The following AP1G1 variants were observed in gnomAD, a reference collection of about 807,000 sequenced individuals.
The protein encoded by AP1G1 is AP-1 complex subunit gamma-1.
In AP1G1, 7 loss-of-function variants were observed where a neutral mutation model predicts 108.3. The observed-to-expected ratio is 0.06, with a 90% confidence interval of 0.04 to 0.12. AP1G1 has a LOEUF of 0.12. AP1G1 is among the 10% of genes least tolerant of loss of function. The pLI is 1.00. For missense variants in AP1G1, 756 were observed against 1,010.7 expected (o/e 0.75, Z 3.42); for synonymous variants, 379 against 353.5 (o/e 1.07, Z -0.81).
rs2030195653 is a variant in AP1G1 at position 71,746,596 on chromosome 16, G to C, written c.1722C>G (p.Asp574Glu). The C allele has an allele frequency of 6.2e-7, 1 of 1,603,516 alleles. No individual in the cohort carries two copies. The highest frequency in any genetic ancestry group is 8.5e-7 in the Non-Finnish European group (1 of 1,172,610). ...TAGTTTCTTTCGCTCACCTCATGTG[G>C]TCATATTTCTTGAAAAGTGCATTAT... Reference protein sequence around the residue: ...VEYNALFKKYDHMRSALLERM... With the variant: ...VEYNALFKKYEHMRSALLERM... Residue 574 changes from aspartate to glutamate, a missense_variant, in exon 17 of 23, where the codon GAC (aspartate) becomes GAG (glutamate). This residue lies in a region of AP1G1 where 357 missense variants were observed against 366.5 expected (regional missense o/e 0.97). Transcript: ENST00000299980.
At chr16:71,768,206 A>G (rs1225195638) in intron 6 of AP1G1, among the ~76,000 whole-genome samples, 5 of 150,832 alleles carry the variant, frequency 3.3e-5, no homozygotes, top group Admixed American at 3.3e-4. Context: ...AAAAAAAAAA[A>G]AAAAAAAAAG....
intron 6 of AP1G1, among the ~76,000 whole-genome samples, chr16:71,766,618 C>A (rs1227940931): frequency 6.6e-6 from 1 of 151,646 alleles, no homozygotes; most frequent in African/African-American, 2.4e-5. Context: ...GCAATTTTAG[C>A]TACAACTCTG....
chr16:71,781,356 T>A (rs908658615), intron 2 of AP1G1, among the ~76,000 whole-genome samples: 3 of 152,198 alleles, frequency 2.0e-5, no homozygotes, highest in African/African-American at 4.8e-5. Context: ...AATATTCCAC[T>A]CAAAATACAT....
chr16:71,758,914 C>T lies in AP1G1; in HGVS notation c.982G>A (p.Ala328Thr). Residue 328 changes from alanine (A) to threonine (T), a missense_variant, in exon 11 of 23, where the codon GCT becomes ACT. By Grantham distance (58) the Ala-to-Thr change is moderately conservative. Transcript: ENST00000299980. ...ACAGTCTTCAACAAAGATGTCAGAG[C>T]CACATATCTGGATGAAACAGTTGCA... ...LNNDKNIRYVALTSLLKTVQT... is the reference protein window; with the variant it reads ...LNNDKNIRYVTLTSLLKTVQT... 6.3e-7 allele frequency: 1 copy of T among 1,581,730 alleles called. No homozygotes were observed. Among genetic ancestry groups the T allele is most frequent in the Non-Finnish European group, 8.6e-7 (1 of 1,163,724 alleles).
intron 12 of AP1G1, 70 bp downstream of exon 12, chr16:71,755,949 C>T (rs1312061888): frequency 2.0e-6 from 3 of 1,534,584 alleles, no homozygotes; most frequent in African/African-American, 2.8e-5. Flanking sequence ...CAGCCCCCTC[C>T]CCATGTTTTA....
intron 19 of AP1G1, among the ~76,000 whole-genome samples, chr16:71,741,285 A>C (rs901633533): frequency 3.9e-5 from 6 of 152,300 alleles, no homozygotes; most frequent in African/African-American, 1.4e-4. Context: ...AAAGAATACT[A>C]GAAAAGTAAA....
intron 1 of AP1G1, chr16:71,806,632 A>G (rs2033006484): frequency 8.6e-7 from 1 of 1,158,816 alleles, no homozygotes; most frequent in South Asian, 1.3e-5. Context: ...CCTTACTTGA[A>G]AAGTCTAAGT....
chr16:71,769,049 G>A (rs569999608), intron 6 of AP1G1, among the ~76,000 whole-genome samples: 1 of 146,248 alleles, frequency 6.8e-6, no homozygotes, highest in South Asian at 2.2e-4. Context: ...TTGGGAGGCT[G>A]AGGCGGGCTG....
At chr16:71,808,325 C>A (rs1008374983) in intron 1 of AP1G1, 20 of 753,220 alleles carry the variant, frequency 2.7e-5, no homozygotes, top group Non-Finnish European at 3.2e-5. Flanking sequence ...ATTAACTGGG[C>A]ATTTGGATAT....
In AP1G1 at chr16:71,756,029, C is replaced by G. The variant is rs1263155471; in HGVS notation, c.1219G>C (p.Ala407Pro). The G allele has an allele frequency of 1.2e-6, 2 of 1,608,158 alleles. No individual in the cohort carries two copies. Among genetic ancestry groups the G allele is most frequent in the African/African-American group, 1.3e-5 (1 of 74,738 alleles). Reference protein sequence around the residue: ...KADCASGIFLAAEKYAPSKRW... With the variant: ...KADCASGIFLPAEKYAPSKRW... ...AAAATTAAATCTTACTTTTCTGCAG[C>G]AAGAAAGATTCCAGATGCACAGTCT... Residue 407 changes from alanine to proline, a missense_variant, in exon 12 of 23, where the codon GCT becomes CCT. Coordinates refer to ENST00000299980, the MANE Select transcript of AP1G1 (RefSeq NM_001128.6).
chr16:71,736,181 T>G (rs1024807816), intron 21 of AP1G1, among the ~76,000 whole-genome samples: 4 of 144,552 alleles, frequency 2.8e-5, no homozygotes, highest in Admixed American at 2.1e-4. Flanking sequence ...ATTAAAATTA[T>G]GTAAGCTAAA....
intron 12 of AP1G1, among the ~76,000 whole-genome samples, chr16:71,755,707 A>G (rs111481406): frequency 0.11 from 16,165 of 151,826 alleles, 1,077 homozygotes; most frequent in Non-Finnish European, 0.15. Flanking sequence ...GTGCAGTGGC[A>G]TAACCTTGGC....
intron 11 of AP1G1, among the ~76,000 whole-genome samples, chr16:71,757,401 A>AGTTCG: frequency 6.6e-6 from 1 of 150,458 alleles, no homozygotes; most frequent in South Asian, 2.1e-4. Context: ...CAGTGAGCCG[A>AGTTCG]GGTCGCACCA....
intron 21 of AP1G1, among the ~76,000 whole-genome samples, chr16:71,737,571 T>C (rs936801158): frequency 6.6e-6 from 1 of 152,222 alleles, no homozygotes; most frequent in South Asian, 2.1e-4. Context: ...AGGCGTGAGA[T>C]ACCGTGTCCA....
Position 71,779,377 on chromosome 16 carries a change from AC to A in AP1G1, c.202-4786del, listed in dbSNP as rs112637528. Among the ~76,000 whole-genome samples the A allele has an allele frequency of 5.6e-3, 844 of 151,888 alleles. 17 individuals are homozygous for A. Among genetic ancestry groups the A allele is most frequent in the African/African-American group, 0.019 (804 of 41,372 alleles). ...GTAGGGGGGAGAGTCTCACTCTGACACCCAGGCTGGAGTGCAGTGGTGCTAT... is the reference window on the plus strand; with the variant it reads ...GTAGGGGGGAGAGTCTCACTCTGACACCAGGCTGGAGTGCAGTGGTGCTAT... On this transcript the variant is annotated intron_variant, in intron 2 of 22. Transcript: ENST00000299980.
At position 71,730,589 on chromosome 16, in the gene AP1G1, G is replaced by C. The variant is rs1403294906; in HGVS notation, c.*2469C>G. ...TCCATTTAGCTGCAAGGCCAAGTGA[G>C]AGGAAAACTAATTCTGATCCTAGAA... On this transcript the variant is annotated 3_prime_UTR_variant, in exon 23 of 23. Transcript: ENST00000299980. The C allele has an allele frequency of 2.0e-5, 3 of 152,630 alleles. No homozygotes were observed. Among genetic ancestry groups the C allele is most frequent in the Admixed American group, 6.5e-5 (1 of 15,284 alleles). 9.5% of individuals were successfully genotyped at this position (152,630 alleles called of 1,614,324 possible).
intron 2 of AP1G1, among the ~76,000 whole-genome samples, chr16:71,784,399 T>C (rs767238111): frequency 6.6e-5 from 10 of 152,162 alleles, no homozygotes; most frequent in African/African-American, 9.7e-5. Flanking sequence ...TCTCTTTTCT[T>C]GCCTTAGCTG....
At chr16:71,743,762 A>G (rs900516577) in intron 19 of AP1G1, among the ~76,000 whole-genome samples, 4 of 148,366 alleles carry the variant, frequency 2.7e-5, no homozygotes, top group Non-Finnish European at 5.9e-5. Flanking sequence ...CCTGGCCTAC[A>G]TGGTGAAACC....
In AP1G1 at chr16:71,774,596, C is replaced by CAA. The variant is rs753433026; in HGVS notation, c.202-6_202-5dup. 6.6e-7 allele frequency: 1 copy of CAA among 1,516,756 alleles called. No homozygotes were observed. Among genetic ancestry groups the CAA allele is most frequent in the Non-Finnish European group, 8.8e-7 (1 of 1,136,062 alleles). 94.0% of individuals were successfully genotyped at this position (1,516,756 alleles called of 1,614,324 possible). ...CAATAAGCTTGAGGCACTCCAACTGCAAAAAAAGAAAAAAAAAAAGAAGGA... is the reference window on the plus strand; with the variant it reads ...CAATAAGCTTGAGGCACTCCAACTGCAAAAAAAAAGAAAAAAAAAAAGAAGGA... On this transcript the variant is annotated splice_region_variant and splice_polypyrimidine_tract_variant and intron_variant, in intron 2 of 22. Coordinates refer to ENST00000299980, the MANE Select transcript of AP1G1 (RefSeq NM_001128.6).
Sources: allele counts gnomAD v4.1 joint callset (sites outside exome capture counted in the v4.1 genomes callset), GRCh38; gene constraint gnomAD v4.1.1; regional missense constraint gnomAD v4.1.1; transcripts MANE v1.5; gene names NCBI Gene and HGNC (gene_info 2026-07-23, HGNC 2026-07-21).